The following GRM5 variants were observed in gnomAD, a reference collection of about 807,000 sequenced individuals.
The protein encoded by GRM5 is metabotropic glutamate receptor 5.
Under a neutral mutation model 83.1 loss-of-function variants are expected in GRM5, and 19 were observed. The observed-to-expected ratio is 0.23, with a 90% CI of 0.16 to 0.34. The LOEUF (loss-of-function observed/expected upper bound fraction) is 0.34. Among genes scored for constraint, GRM5 ranks in the 10% least tolerant of loss-of-function variants. The pLI, the probability that GRM5 is intolerant of heterozygous loss-of-function variation, is 1.00. For synonymous variants in GRM5, 675 were observed against 633.6 expected (o/e 1.07, Z -0.98); for missense variants, 1,160 against 1,588.3 (o/e 0.73, Z 4.58).
In GRM5 at chr11:88,516,356, C is replaced by T. The variant is rs76069060; in HGVS notation, c.2727-6852G>A. 6.3e-3 allele frequency among the ~76,000 whole-genome samples: 963 copies of T among 152,240 alleles called. 9 individuals are homozygous for T. The highest frequency in any genetic ancestry group is 0.022 in the African/African-American group (906 of 41,536). ...TGTGTACTGAGTGCCAAGATACACA[C>T]AGGAACCAAGGGGCTAACAAGACAT... On this transcript the variant is annotated intron_variant, in intron 9 of 9. Transcript: ENST00000305447.
At chr11:88,649,452 TTA>T (rs1939572745) in intron 4 of GRM5, among the ~76,000 whole-genome samples, 1 of 144,182 alleles carries the variant, frequency 6.9e-6, no homozygotes, top group African/African-American at 2.5e-5. Flanking sequence ...GTATTATATA[TTA>T]TATATTACAT....
At chr11:88,864,900 C>A (rs749490223) in intron 2 of GRM5, among the ~76,000 whole-genome samples, 1 of 151,932 alleles carries the variant, frequency 6.6e-6, no homozygotes, top group African/African-American at 2.4e-5. Flanking sequence ...CATCGAAGGC[C>A]TTTTCTGCAT....
intron 3 of GRM5, among the ~76,000 whole-genome samples, chr11:88,766,834 G>A (rs767472937): frequency 5.3e-5 from 8 of 151,814 alleles, no homozygotes; most frequent in Non-Finnish European, 1.2e-4. Flanking sequence ...GTATCTACAA[G>A]GAAGTTAAAC....
intron 2 of GRM5, among the ~76,000 whole-genome samples, chr11:88,919,787 G>A (rs1308692219): frequency 6.6e-6 from 1 of 151,944 alleles, no homozygotes; most frequent in African/African-American, 2.4e-5. Context: ...TAAACAAAAT[G>A]TTCCTGAATG....
intron 7 of GRM5, 130 bp from the exon 8 acceptor site, chr11:88,568,122 TC>T: frequency 1.6e-6 from 1 of 611,506 alleles, no homozygotes; most frequent in Non-Finnish European, 2.9e-6. Flanking sequence ...TTTCAGAATC[TC>T]CTGCTACTTA....
intron 2 of GRM5, among the ~76,000 whole-genome samples, chr11:88,993,909 T>C (rs1940082155): frequency 6.6e-6 from 1 of 152,052 alleles, no homozygotes; most frequent in South Asian, 2.1e-4. Flanking sequence ...TTTTTGTAGT[T>C]ACCTCCATAT....
At chr11:89,038,151 T>TTGTGTGTG (rs35505173) in intron 2 of GRM5, among the ~76,000 whole-genome samples, 22 of 144,584 alleles carry the variant, frequency 1.5e-4, no homozygotes, top group African/African-American at 5.7e-4. Flanking sequence ...TAGAATCTCA[T>TTGTGTGTG]TGTGTGTGTG....
intron 2 of GRM5, among the ~76,000 whole-genome samples, chr11:88,928,446 ATGTG>A (rs5793360): frequency 3.5e-5 from 5 of 144,696 alleles, no homozygotes; most frequent in African/African-American, 1.3e-4. Context: ...AATCTATCAT[ATGTG>A]TGTGTGTGTG....
chr11:88,884,444 G>A (rs781029824), intron 2 of GRM5, among the ~76,000 whole-genome samples: 7 of 152,196 alleles, frequency 4.6e-5, no homozygotes, highest in Admixed American at 1.3e-4. Context: ...GCTCATAGGA[G>A]GAAGGAACAT....
At chr11:88,739,913 A>G (rs1941994073) in intron 3 of GRM5, among the ~76,000 whole-genome samples, 1 of 152,080 alleles carries the variant, frequency 6.6e-6, no homozygotes, top group Non-Finnish European at 1.5e-5. Flanking sequence ...GGTTTGTTCC[A>G]TATTACTCCT....
At chr11:89,005,927 A>G (rs1376432984) in intron 2 of GRM5, among the ~76,000 whole-genome samples, 1 of 152,230 alleles carries the variant, frequency 6.6e-6, no homozygotes, top group African/African-American at 2.4e-5. Context: ...GCAGTCTAGT[A>G]GAGAAAGAAT....
chr11:88,962,179 T>C (rs1163792353), intron 2 of GRM5, among the ~76,000 whole-genome samples: 4 of 152,226 alleles, frequency 2.6e-5, no homozygotes, highest in African/African-American at 9.6e-5. Flanking sequence ...TCATTTCAGT[T>C]ATATATGTAT....
chr11:88,650,794 G>A (rs986874949), intron 4 of GRM5, among the ~76,000 whole-genome samples: 37 of 152,068 alleles, frequency 2.4e-4, no homozygotes, highest in African/African-American at 8.0e-4. Context: ...TATTTAGCAT[G>A]TTGGCTAAAC....
chr11:88,613,217 T>C (rs761536789), intron 4 of GRM5, among the ~76,000 whole-genome samples: 9 of 152,160 alleles, frequency 5.9e-5, no homozygotes, highest in South Asian at 2.1e-4. Flanking sequence ...TTAGCTCCAA[T>C]TGGTCAAGTC....
At chr11:88,776,922 G>T (rs1942866361) in intron 3 of GRM5, among the ~76,000 whole-genome samples, 1 of 152,084 alleles carries the variant, frequency 6.6e-6, no homozygotes, top group South Asian at 2.1e-4. Context: ...GTGTCTTGGG[G>T]TTGCTCTTCT....
intron 2 of GRM5, among the ~76,000 whole-genome samples, chr11:89,011,469 T>C (rs914695381): frequency 6.6e-6 from 1 of 152,190 alleles, no homozygotes; most frequent in Non-Finnish European, 1.5e-5. Flanking sequence ...AAAATGTCTA[T>C]ATTACAGAGA....
intron 8 of GRM5, among the ~76,000 whole-genome samples, chr11:88,556,621 C>G (rs976145989): frequency 1.3e-5 from 2 of 151,990 alleles, no homozygotes; most frequent in African/African-American, 4.8e-5. Flanking sequence ...ATGCATGGCC[C>G]TGTGGGATAC....
chr11:88,940,283 C>T (rs1487875432), intron 2 of GRM5, among the ~76,000 whole-genome samples: 4 of 147,930 alleles, frequency 2.7e-5, no homozygotes, highest in Non-Finnish European at 6.0e-5. Flanking sequence ...TTGAAATCAT[C>T]TCACATAGTG....
At chr11:88,647,152 C>A (rs1003257059) in intron 4 of GRM5, among the ~76,000 whole-genome samples, 2 of 151,960 alleles carry the variant, frequency 1.3e-5, no homozygotes, top group Non-Finnish European at 2.9e-5. Context: ...ATGTCTCTTC[C>A]CCTCTTTTTA....
Sources: gnomAD v4.1 joint callset for allele counts (sites outside exome capture counted in the v4.1 genomes callset) on GRCh38, gnomAD v4.1.1 for gene constraint, MANE v1.5 for transcripts, NCBI Gene and HGNC (gene_info 2026-07-23, HGNC 2026-07-21) for gene names.